Variants in LRRK1 observed in about 807,000 individuals in gnomAD.
The protein encoded by LRRK1 is leucine-rich repeat serine/threonine-protein kinase 1.
Under a neutral mutation model 209.1 loss-of-function variants are expected in LRRK1, and 113 were observed. The observed-to-expected ratio is 0.54, with a 90% confidence interval of 0.46 to 0.63. The LOEUF (loss-of-function observed/expected upper bound fraction) is 0.63, where lower values mean the gene tolerates loss of function less well. Ranked by LOEUF, LRRK1 falls within the 30% of genes least tolerant of loss-of-function variation. The probability of loss-of-function intolerance (pLI) is 0.00; values close to 1 mark genes in which losing one functional copy is unlikely to be tolerated. For synonymous variants in LRRK1, 1,144 were observed against 1,099.7 expected (o/e 1.04, Z -0.80); for missense variants, 2,284 against 2,632.2 (o/e 0.87, Z 2.89).
At chr15:101,065,083 C>T (rs1004787812) in intron 31 of LRRK1, 7 of 526,186 alleles carry the variant, frequency 1.3e-5, no homozygotes, top group Non-Finnish European at 2.0e-5. Flanking sequence ...CCAGGTGACA[C>T]GCAGCCTTAC....
chr15:101,009,298 C>G (rs921870568), intron 7 of LRRK1, among the ~76,000 whole-genome samples: 9 of 152,248 alleles, frequency 5.9e-5, no homozygotes, highest in African/African-American at 1.9e-4. Context: ...CATGCGAATG[C>G]TTGCCTGAGA....
chr15:101,049,612 G>A lies in LRRK1; in HGVS notation c.3300-32G>A, dbSNP rs551478860. The A allele has an allele frequency of 4.7e-5, 75 of 1,607,458 alleles. 1 individual carries two copies. The South Asian group carries it at 6.1e-4, about 13-fold the overall frequency. Reference sequence around the variant, plus strand: ...TCCCAGGGTCCCCCAGAGCCAGATCGCAATGGGCTCCTTTTGGTCTCTGGA... The same window carrying A: ...TCCCAGGGTCCCCCAGAGCCAGATCACAATGGGCTCCTTTTGGTCTCTGGA... On this transcript the variant is annotated intron_variant, in intron 22 of 33. Transcript: ENST00000388948.
rs76709320 is a variant in LRRK1, at chr15:100,935,151, G to T, written c.97+10422G>T. On this transcript the variant is annotated intron_variant, in intron 2 of 33. Coordinates refer to ENST00000388948, the MANE Select transcript of LRRK1 (RefSeq NM_024652.6). ...ATGTCCTCATGATGTTTCTATTCCAGCAGGGGAAACACAGTAAATAAACCT... is the reference window on the plus strand; with the variant it reads ...ATGTCCTCATGATGTTTCTATTCCATCAGGGGAAACACAGTAAATAAACCT... Among the ~76,000 whole-genome samples, 9 of 152,310 alleles carry T rather than the reference G, an allele frequency of 5.9e-5. No individual in the cohort carries two copies. In the East Asian group the frequency reaches 1.7e-3, roughly 29 times the overall value.
At chr15:101,053,454 G>T in intron 26 of LRRK1, 34 bp downstream of exon 26, 1 of 1,530,074 alleles carries the variant, frequency 6.5e-7, no homozygotes, top group African/African-American at 1.4e-5. Context: ...CGGCCCCGGA[G>T]ACCGACAGAG....
intron 20 of LRRK1, among the ~76,000 whole-genome samples, chr15:101,039,343 T>A (rs1021624076): frequency 6.6e-6 from 1 of 152,252 alleles, no homozygotes; most frequent in Non-Finnish European, 1.5e-5. Context: ...AATTTGTGTC[T>A]ACATAATTTA....
At chr15:101,006,221 C>A (rs2032943268) in intron 6 of LRRK1, among the ~76,000 whole-genome samples, 1 of 152,036 alleles carries the variant, frequency 6.6e-6, no homozygotes, top group Non-Finnish European at 1.5e-5. Context: ...AAGGTTGTTG[C>A]CCAAAATAGC....
rs1259770325 is a variant in LRRK1, at chr15:101,027,857, C to G, written c.2686+60C>G. On this transcript the variant is annotated intron_variant, in intron 19 of 33. Transcript: ENST00000388948. This position sits in a 1 kb window ranked among gnomAD's most constrained non-coding sequence, Gnocchi z 5.1. ...TGAGAAATGGAACTGTCTGTACTTGCTAACTTCAGCTTGGCCTCAGTAATG... is the reference window on the plus strand; with the variant it reads ...TGAGAAATGGAACTGTCTGTACTTGGTAACTTCAGCTTGGCCTCAGTAATG... 2.8e-6 allele frequency: 4 copies of G among 1,448,762 alleles called. No individual in the cohort carries two copies. Among genetic ancestry groups the G allele is most frequent in the Non-Finnish European group, 2.8e-6 (3 of 1,075,888 alleles). The allele number at this position is 1,448,762 out of a possible 1,614,324, so 89.7% of individuals were successfully genotyped here.
At chr15:100,921,645 C>T (rs1280629374) in intron 1 of LRRK1, among the ~76,000 whole-genome samples, 1 of 152,222 alleles carries the variant, frequency 6.6e-6, no homozygotes, top group Admixed American at 6.5e-5. Flanking sequence ...TGCTCCCCCA[C>T]CAGCTTCACA....
chr15:100,972,363 A>AGTGTGTGTGTGT (rs139709615), intron 2 of LRRK1, among the ~76,000 whole-genome samples: 7 of 98,474 alleles, frequency 7.1e-5, no homozygotes, highest in African/African-American at 3.0e-4. Context: ...AGAGAGAGAG[A>AGTGTGTGTGTGT]GTGTGTGTGT....
At chr15:101,066,935 G>A (rs977432696) in intron 33 of LRRK1, among the ~76,000 whole-genome samples, 194 bp downstream of exon 33, 5 of 152,208 alleles carry the variant, frequency 3.3e-5, no homozygotes, top group African/African-American at 1.2e-4. Flanking sequence ...CACTGGCCAT[G>A]GCTGCCTGTT....
intron 12 of LRRK1, among the ~76,000 whole-genome samples, chr15:101,017,392 TAA>T (rs954471017): frequency 2.6e-5 from 4 of 152,064 alleles, no homozygotes; most frequent in African/African-American, 7.2e-5. Context: ...GTGGACCAGA[TAA>T]AAGAGTCCAA....
At chr15:101,021,686 GA>G in intron 13 of LRRK1, 158 bp from the exon 14 acceptor site, 1 of 588,934 alleles carries the variant, frequency 1.7e-6, no homozygotes, top group Non-Finnish European at 3.0e-6. Context: ...TCCTCCAGGA[GA>G]AAGCCTTTGG....
At chr15:101,053,181 C>T in intron 25 of LRRK1, 42 bp from the exon 26 acceptor site, 1 of 1,592,658 alleles carries the variant, frequency 6.3e-7, no homozygotes, top group Middle Eastern at 1.7e-4. Context: ...AGGCTGCAGG[C>T]ACCCCATGTC....
chr15:101,064,257 C>T (rs1267518852), intron 31 of LRRK1, among the ~76,000 whole-genome samples: 5 of 152,336 alleles, frequency 3.3e-5, no homozygotes, highest in East Asian at 1.9e-4. Flanking sequence ...CAGTGAGCTA[C>T]GGGTCTCCAC....
In LRRK1 at chr15:101,071,772, AC is replaced by A; in HGVS notation, c.*2926del. On this transcript the variant is annotated 3_prime_UTR_variant, in exon 34 of 34. Coordinates refer to ENST00000388948, the MANE Select transcript of LRRK1 (RefSeq NM_024652.6). The stretch of plus-strand genomic sequence containing the variant: ...ACAAGTGAGATAGCAGGGCAGCCGG[AC>A]CACCCAGTTGGGCAATTCGTGGCTT... The A allele has an allele frequency of 6.6e-6, 1 of 152,260 alleles. No individual in the cohort carries two copies. Among genetic ancestry groups the A allele is most frequent in the East Asian group, 1.9e-4 (1 of 5,200 alleles). The allele number at this position is 152,260 out of a possible 1,614,324, so 9.4% of individuals were successfully genotyped here.
intron 2 of LRRK1, among the ~76,000 whole-genome samples, chr15:100,956,334 C>T (rs1183851448): frequency 6.0e-5 from 9 of 150,360 alleles, no homozygotes; most frequent in African/African-American, 2.2e-4. Flanking sequence ...ATTGTAATGC[C>T]CCCTATTTCA....
At position 101,048,605 on chromosome 15, in the gene LRRK1, A is replaced by G. The variant is rs1304931060; in HGVS notation, c.3247A>G (p.Thr1083Ala). The G allele has an allele frequency of 1.9e-6, 3 of 1,562,898 alleles. No homozygotes were observed. Among genetic ancestry groups the G allele is most frequent in the Non-Finnish European group, 2.6e-6 (3 of 1,161,180 alleles). ...CACATTCAGAGTGAAAAGAAATCAGACCATCTATTGGCAGGAAGGGCTCCT... is the reference window on the plus strand; with the variant it reads ...CACATTCAGAGTGAAAAGAAATCAGGCCATCTATTGGCAGGAAGGGCTCCT... ...CSTFRVKRNQ[T>A]IYWQEGLLVT... The change falls in exon 22 of 34, where the codon ACC (threonine) becomes GCC (alanine). Residue 1083 changes from threonine to alanine, a missense_variant. By Grantham distance (58) the Thr-to-Ala change is moderately conservative (BLOSUM62 0). Around this residue, in one of 6 missense-constraint regions of LRRK1, gnomAD observed 780 missense variants for 985.2 expected, o/e 0.79. Transcript: ENST00000388948.
chr15:100,947,331 A>G (rs1202851772), intron 2 of LRRK1, among the ~76,000 whole-genome samples: 1 of 152,250 alleles, frequency 6.6e-6, no homozygotes, highest in Non-Finnish European at 1.5e-5. Flanking sequence ...GAAACAATTG[A>G]TAAACATAGA....
At chr15:101,055,785 A>G (rs2035760467) in intron 27 of LRRK1, among the ~76,000 whole-genome samples, 1 of 152,210 alleles carries the variant, frequency 6.6e-6, no homozygotes, top group Non-Finnish European at 1.5e-5. Context: ...CCTGATGGCT[A>G]CTTGGTAGAT....
Sources: allele counts gnomAD v4.1 joint callset (sites outside exome capture counted in the v4.1 genomes callset), GRCh38; gene constraint gnomAD v4.1.1; regional missense constraint gnomAD v4.1.1; non-coding constraint Gnocchi (gnomAD v3.1); transcripts MANE v1.5; gene names NCBI Gene and HGNC (gene_info 2026-07-23, HGNC 2026-07-21).